Variants in GPR155 observed in about 807,000 individuals in gnomAD.
GPR155 encodes the protein G protein-coupled receptor 155, also known as lysosomal cholesterol signaling protein.
In GPR155, 65 loss-of-function variants were observed where a neutral mutation model predicts 93.1. The ratio of observed to expected loss-of-function variants is 0.70; its 90% CI spans 0.57 to 0.86. The LOEUF is 0.86. GPR155 is among the 40% of genes least tolerant of loss of function. The pLI is 0.00. For synonymous variants in GPR155, 319 were observed against 360.1 expected (o/e 0.89, Z 1.29); for missense variants, 838 against 1,034.8 (o/e 0.81, Z 2.61).
At chr2:174,454,759 A>G (rs796133202) in intron 10 of GPR155, among the ~76,000 whole-genome samples, 2 of 31,430 alleles carry the variant, frequency 6.4e-5, no homozygotes, top group African/African-American at 1.6e-4. Flanking sequence ...AGGAAGGGAG[A>G]GGAAGGAAGG....
chr2:174,459,795 A>C, intron 10 of GPR155, 83 bp downstream of exon 10: 1 of 980,994 alleles, frequency 1.0e-6, no homozygotes, highest in Non-Finnish European at 1.5e-6. Flanking sequence ...CAGTGAGCTG[A>C]GATCATGCCA....
At chr2:174,477,367 G>A (rs1018780659) in intron 2 of GPR155, among the ~76,000 whole-genome samples, 1 of 151,868 alleles carries the variant, frequency 6.6e-6, no homozygotes, top group African/African-American at 2.4e-5. Context: ...ATTAACCATC[G>A]TCACCATGTT....
Position 174,435,894 on chromosome 2 carries a change from T to C in GPR155, c.*222A>G. 3.9e-6 allele frequency: 2 copies of C among 515,456 alleles called. No homozygotes were observed. Among genetic ancestry groups the C allele is most frequent in the East Asian group, 3.1e-5 (1 of 32,086 alleles). The allele number at this position is 515,456 out of a possible 1,614,324, so 31.9% of individuals were successfully genotyped here. A position where few individuals can be genotyped will look rare whatever the true frequency, so the allele number is the denominator to read the frequency against. The stretch of plus-strand genomic sequence containing the variant: ...TTATATTCATTATCAGAACTTTAAT[T>C]TGGTTTTCTCTTTTTCCTAAGTCAG... On this transcript the variant is annotated 3_prime_UTR_variant, in exon 16 of 16. Transcript: ENST00000392552.
At chr2:174,439,514 C>T (rs1401292055) in intron 15 of GPR155, among the ~76,000 whole-genome samples, 1 of 152,018 alleles carries the variant, frequency 6.6e-6, no homozygotes. Flanking sequence ...ATACATTTGT[C>T]AAGAAATGCT....
chr2:174,464,317 G>A (rs1253632142), intron 7 of GPR155, among the ~76,000 whole-genome samples: 1 of 152,024 alleles, frequency 6.6e-6, no homozygotes, highest in Non-Finnish European at 1.5e-5. Flanking sequence ...AATGAAACCT[G>A]GGATTTTACT....
At chr2:174,440,726 A>C (rs1401302639) in intron 14 of GPR155, among the ~76,000 whole-genome samples, 1 of 152,160 alleles carries the variant, frequency 6.6e-6, no homozygotes, top group Non-Finnish European at 1.5e-5. Flanking sequence ...ACAAATTTTG[A>C]CTTTGAAAAC....
At chr2:174,443,594 T>C (rs1687029897) in intron 13 of GPR155, among the ~76,000 whole-genome samples, 1 of 152,132 alleles carries the variant, frequency 6.6e-6, no homozygotes, top group Non-Finnish European at 1.5e-5. Flanking sequence ...CTGGGCATGG[T>C]AGCAGGTGCC....
In GPR155 at chr2:174,436,351, A is replaced by G. The variant is rs1686782635; in HGVS notation, c.2378T>C (p.Val793Ala). ...TTCACCACGGTCGGAGGCAAGGCCG[A>G]CTTCAATTAGCCAGCTCACCAGGTC... ...GCDLVSWLIE[V>A]GLASDRGEAV... The change falls in exon 16 of 16, where the codon GTC (valine) becomes GCC (alanine). Residue 793 changes from valine to alanine, a missense_variant. Coordinates refer to ENST00000392552, the MANE Select transcript of GPR155 (RefSeq NM_152529.7). 1.2e-6 allele frequency: 2 copies of G among 1,614,058 alleles called. No homozygotes were observed. The highest frequency in any genetic ancestry group is 1.3e-5 in the African/African-American group (1 of 74,920).
chr2:174,444,659 A>AT (rs1200933321), intron 13 of GPR155, among the ~76,000 whole-genome samples: 2 of 151,498 alleles, frequency 1.3e-5, no homozygotes, highest in Admixed American at 6.6e-5. Context: ...CGTCTGGCTA[A>AT]TTTTTTTGTA....
At chr2:174,465,465 C>T (rs2105715596) in intron 7 of GPR155, among the ~76,000 whole-genome samples, 1 of 152,332 alleles carries the variant, frequency 6.6e-6, no homozygotes, top group African/African-American at 2.4e-5. Context: ...GCATCTTTCC[C>T]ATTCCCGCCT....
At chr2:174,457,727 T>C (rs1260727223) in intron 10 of GPR155, among the ~76,000 whole-genome samples, 1 of 152,126 alleles carries the variant, frequency 6.6e-6, no homozygotes. Context: ...AGTTCTGGGA[T>C]TAGAGGTGTG....
Position 174,461,601 on chromosome 2 carries a change from T to C in GPR155, c.1456A>G (p.Ile486Val), listed in dbSNP as rs1463360496. The C allele has an allele frequency of 6.2e-7, 1 of 1,608,572 alleles. No individual in the cohort carries two copies. Among genetic ancestry groups the C allele is most frequent in the Non-Finnish European group, 8.5e-7 (1 of 1,175,042 alleles). ...RVQIPVGIII[I>V]SGWGIPALLV... is the part of the protein sequence containing the mutation. ...CTACCAACTTACCCCCAGCCAGATATTATGATTATTCCAACAGGAATTTGT... is the reference window on the plus strand; with the variant it reads ...CTACCAACTTACCCCCAGCCAGATACTATGATTATTCCAACAGGAATTTGT... The change falls in exon 8 of 16, where the codon ATA becomes GTA. Residue 486 changes from isoleucine (I) to valine (V), a missense_variant. Physicochemically the swap from Ile to Val is conservative, Grantham distance 29. Coordinates refer to ENST00000392552, the MANE Select transcript of GPR155 (RefSeq NM_152529.7).
At chr2:174,477,762 T>C (rs1267376134) in intron 2 of GPR155, among the ~76,000 whole-genome samples, 1 of 152,194 alleles carries the variant, frequency 6.6e-6, no homozygotes, top group East Asian at 1.9e-4. Flanking sequence ...ATATCAACTT[T>C]TAGGTTCTAA....
In GPR155 at chr2:174,436,130, A is replaced by T. The variant is rs1396514235; in HGVS notation, c.2599T>A (p.Ser867Thr). The T allele has an allele frequency of 6.2e-6, 10 of 1,612,924 alleles. No individual in the cohort carries two copies. Among genetic ancestry groups the T allele is most frequent in the Non-Finnish European group, 8.5e-6 (10 of 1,179,008 alleles). Residue 867 changes from serine to threonine, a missense_variant, in exon 16 of 16, where the codon TCC (serine) becomes ACC (threonine). Physicochemically the swap from Ser to Thr is moderately conservative, Grantham distance 58. Around this residue, in one of 3 missense-constraint regions of GPR155, gnomAD observed 146 missense variants for 177.5 expected, o/e 0.82. Transcript: ENST00000392552. Reference sequence around the variant, plus strand: ...CCCTGCATAATTTAGGTCTTAGGGGAATGTGAGGGTGGGGATGAATGCTCA... The same window carrying T: ...CCCTGCATAATTTAGGTCTTAGGGGTATGTGAGGGTGGGGATGAATGCTCA... ...EIEHSSPPSH[S>T]PKT
rs1312245764 is a variant in GPR155 at position 174,446,686 on chromosome 2, C to T, written c.1938G>A (p.Gln646=). ...GTTGCTGGTCTCCACTCTGTAGATA[C>T]TGTTCTTCTTCCTGGGCTAATATGC... is the stretch of plus-strand genomic sequence containing the variant. The part of the protein sequence containing the change: ...QSCILAQEEE[Q]YLQSGDQQLT... The change falls in exon 12 of 16, where the codon CAG becomes CAA. Residue 646 remains glutamine (Q), a synonymous_variant. Coordinates refer to ENST00000392552, the MANE Select transcript of GPR155 (RefSeq NM_152529.7). 1 of 1,613,876 alleles carries T rather than the reference C, an allele frequency of 6.2e-7. No individual in the cohort carries two copies. The highest frequency in any genetic ancestry group is 8.5e-7 in the Non-Finnish European group (1 of 1,179,736).
chr2:174,433,258 ATCTCT>A lies in GPR155; in HGVS notation c.*2853_*2857del, dbSNP rs1403742386. The A allele has an allele frequency of 6.6e-6, 1 of 152,204 alleles. No individual in the cohort carries two copies. Among genetic ancestry groups the A allele is most frequent in the Admixed American group, 6.5e-5 (1 of 15,274 alleles). The allele number at this position is 152,204 out of a possible 1,614,324, so 9.4% of individuals were successfully genotyped here. A position where few individuals can be genotyped will look rare whatever the true frequency, so the allele number is the denominator to read the frequency against. The stretch of plus-strand genomic sequence containing the variant: ...AGATGCTCAAAGGTCATCTAAATAG[ATCTCT>A]TTAATTTACTGAAGATAAAGTTTAC... On this transcript the variant is annotated 3_prime_UTR_variant, in exon 16 of 16. Transcript: ENST00000392552.
chr2:174,461,516 A>G (rs1179980032), intron 8 of GPR155, 24 bp from the exon 9 acceptor site: 5 of 1,590,812 alleles, frequency 3.1e-6, no homozygotes, highest in Non-Finnish European at 4.3e-6. Context: ...TGATATTGGG[A>G]GAGAAAAAGA....
chr2:174,461,550 A>C (rs1687696757), intron 8 of GPR155, 38 bp downstream of exon 8: 1 of 1,553,818 alleles, frequency 6.4e-7, no homozygotes. Flanking sequence ...AACTGTCTAT[A>C]TGGAAAGGTG....
chr2:174,455,456 T>C (rs1449131290), intron 10 of GPR155, among the ~76,000 whole-genome samples: 1 of 152,204 alleles, frequency 6.6e-6, no homozygotes, highest in Non-Finnish European at 1.5e-5. Flanking sequence ...GCAAGGCCCT[T>C]GCAGCCTCTG....
Sources: allele counts gnomAD v4.1 joint callset (sites outside exome capture counted in the v4.1 genomes callset), GRCh38; gene constraint gnomAD v4.1.1; regional missense constraint gnomAD v4.1.1; transcripts MANE v1.5; gene names NCBI Gene and HGNC (gene_info 2026-07-23, HGNC 2026-07-21).